CHPT1: variants seen among roughly 807,000 people sequenced by gnomAD.
The protein encoded by CHPT1 is choline phosphotransferase 1.
In CHPT1, 36 loss-of-function variants were observed where a neutral mutation model predicts 47.6. The observed-to-expected ratio is 0.76, with a 90% CI of 0.58 to 1.00. The LOEUF (loss-of-function observed/expected upper bound fraction) is 1.00, where lower values mean the gene tolerates loss of function less well. CHPT1 is among the 50% of genes least tolerant of loss of function. The pLI is 0.00. For synonymous variants in CHPT1, 194 were observed against 186.3 expected (o/e 1.04, Z -0.33); for missense variants, 458 against 498.1 (o/e 0.92, Z 0.77).
intron 4 of CHPT1, among the ~76,000 whole-genome samples, chr12:101,718,405 C>A (rs749905847): frequency 6.6e-6 from 1 of 152,078 alleles, no homozygotes; most frequent in Non-Finnish European, 1.5e-5. Flanking sequence ...AACCTAAAAC[C>A]ACTCTAAAAA....
Position 101,714,610 on chromosome 12 carries a change from G to A in CHPT1, c.528G>A (p.Trp176Ter), listed in dbSNP as rs745679952. The change falls in exon 3 of 9, where the codon TGG (tryptophan) becomes TGA (stop). Residue 176 changes from tryptophan to a stop codon, truncating the protein, a stop_gained. Transcript: ENST00000229266. LOFTEE classifies it high-confidence loss of function. ...IGMFVFYCAH[W>*]QTYVSGMLRF... ...TGTTTGTGTTTTATTGCGCTCATTG[G>A]CAGACTTATGTTTCAGGCATGTTGA... 5 of 1,609,202 alleles carry A rather than the reference G, an allele frequency of 3.1e-6. No homozygotes were observed. The highest frequency in any genetic ancestry group is 4.2e-6 in the Non-Finnish European group (5 of 1,178,170).
chr12:101,726,214 T>G, intron 7 of CHPT1, 80 bp from the exon 8 acceptor site: 1 of 919,656 alleles, frequency 1.1e-6, no homozygotes, highest in Non-Finnish European at 1.7e-6. Context: ...AGGTTTGATA[T>G]TTGGGGGAGA....
chr12:101,717,462 G>T, intron 4 of CHPT1: 2 of 317,962 alleles, frequency 6.3e-6, no homozygotes, highest in South Asian at 2.8e-5. Flanking sequence ...ATAATAATAA[G>T]GATATCAATA....
At chr12:101,698,486 G>C (rs1245925877) in intron 1 of CHPT1, among the ~76,000 whole-genome samples, 6 of 152,240 alleles carry the variant, frequency 3.9e-5, no homozygotes, top group African/African-American at 1.4e-4. Flanking sequence ...CCGCGGTCGG[G>C]TGCTTTGCAC....
chr12:101,726,345 A>G lies in CHPT1; in HGVS notation c.1117A>G (p.Ile373Val). The change falls in exon 8 of 9, where the codon ATT becomes GTT. Residue 373 changes from isoleucine (I) to valine (V), a missense_variant. Coordinates refer to ENST00000229266, the MANE Select transcript of CHPT1 (RefSeq NM_020244.3). The part of the protein sequence containing the change: ...VIYFSALCLQ[I>V]SRHLHLNIFK... ...ATACTTTAGTGCTTTGTGCCTGCAA[A>G]TTTCAAGACACCTTCATCTAAATAT... is the stretch of plus-strand genomic sequence containing the variant. 1 of 1,613,258 alleles carries G rather than the reference A, an allele frequency of 6.2e-7. No homozygotes were observed. Among genetic ancestry groups the G allele is most frequent in the Non-Finnish European group, 8.5e-7 (1 of 1,179,558 alleles).
chr12:101,727,251 C>T (rs891833281), intron 8 of CHPT1: 2 of 152,054 alleles, frequency 1.3e-5, no homozygotes, highest in Admixed American at 6.6e-5. Context: ...ACTTTAAGTA[C>T]ACACTGACTC....
At chr12:101,727,765 C>CAA (rs1354025468) in intron 8 of CHPT1, 1 of 152,040 alleles carries the variant, frequency 6.6e-6, no homozygotes, top group Non-Finnish European at 1.5e-5. Context: ...AAATCCTTTA[C>CAA]AAAGTTCAAA....
intron 3 of CHPT1, among the ~76,000 whole-genome samples, chr12:101,716,477 T>C (rs1205875014): frequency 2.0e-5 from 3 of 152,202 alleles, no homozygotes; most frequent in Non-Finnish European, 2.9e-5. Flanking sequence ...TGATAACTAT[T>C]AGCAATTTGA....
chr12:101,716,343 AATC>A (rs796577890), intron 3 of CHPT1, among the ~76,000 whole-genome samples: 273 of 152,278 alleles, frequency 1.8e-3, no homozygotes, highest in African/African-American at 6.4e-3. Context: ...ATTTGCCTTA[AATC>A]ATATGGTTGT....
chr12:101,698,035 G>T lies in CHPT1; in HGVS notation c.174G>T (p.Pro58=). 1 of 1,580,410 alleles carries T rather than the reference G, an allele frequency of 6.3e-7. No individual in the cohort carries two copies. The highest frequency in any genetic ancestry group is 8.5e-7 in the Non-Finnish European group (1 of 1,171,838). ...GGACCTGGCTGCTCCAGTGGATCCC[G>T]CTCTGGATGGCCCCCAACTCCATCA... is the stretch of plus-strand genomic sequence containing the variant. ...LYWTWLLQWI[P]LWMAPNSITL... is the part of the protein sequence containing the mutation. Residue 58 remains proline, a synonymous_variant, in exon 1 of 9, where the codon CCG becomes CCT. Coordinates refer to ENST00000229266, the MANE Select transcript of CHPT1 (RefSeq NM_020244.3).
chr12:101,721,299 G>T (rs1489372631), intron 5 of CHPT1, among the ~76,000 whole-genome samples: 1 of 151,782 alleles, frequency 6.6e-6, no homozygotes, highest in Admixed American at 6.6e-5. Flanking sequence ...AAAAAAAAAA[G>T]AATGCCTTTT....
In CHPT1 at chr12:101,697,736, G is replaced by A; in HGVS notation, c.-126G>A. On this transcript the variant is annotated 5_prime_UTR_variant, in exon 1 of 9. Coordinates refer to ENST00000229266, the MANE Select transcript of CHPT1 (RefSeq NM_020244.3). ...CCTGACCTCGACCTCCGCCGTGCGG[G>A]CCCGACCGGTGAGTCCAGCCCGGCA... 1 of 236,722 alleles carries A rather than the reference G, an allele frequency of 4.2e-6. No homozygotes were observed. Among genetic ancestry groups the A allele is most frequent in the Non-Finnish European group, 7.1e-6 (1 of 141,456 alleles). 14.7% of individuals were successfully genotyped at this position (236,722 alleles called of 1,614,324 possible). A position where few individuals can be genotyped will look rare whatever the true frequency, so the allele number is the denominator to read the frequency against.
intron 6 of CHPT1, among the ~76,000 whole-genome samples, 196 bp from the exon 7 acceptor site, chr12:101,723,526 G>C (rs1951892518): frequency 6.6e-6 from 1 of 152,072 alleles, no homozygotes; most frequent in African/African-American, 2.4e-5. Flanking sequence ...ACAACTTTCT[G>C]ATATCAAGAA....
intron 1 of CHPT1, among the ~76,000 whole-genome samples, chr12:101,700,439 A>G (rs1346547642): frequency 1.3e-5 from 2 of 152,144 alleles, no homozygotes; most frequent in African/African-American, 4.8e-5. Context: ...TCTGAAATGT[A>G]TGTCACTAGA....
intron 5 of CHPT1, among the ~76,000 whole-genome samples, chr12:101,721,670 C>T (rs1425694471): frequency 6.6e-6 from 1 of 152,272 alleles, no homozygotes; most frequent in South Asian, 2.1e-4. Context: ...CTTAGGAATA[C>T]ATGTTGCTTG....
At chr12:101,714,258 A>AT in intron 2 of CHPT1, 21 bp downstream of exon 2, 8 of 1,538,740 alleles carry the variant, frequency 5.2e-6, no homozygotes, top group Non-Finnish European at 6.1e-6. Context: ...GGAGTTTTTT[A>AT]TTTTTTTATG....
At chr12:101,720,937 A>C (rs1279860513) in intron 5 of CHPT1, among the ~76,000 whole-genome samples, 1 of 152,220 alleles carries the variant, frequency 6.6e-6, no homozygotes, top group Non-Finnish European at 1.5e-5. Context: ...GAACAGAAGA[A>C]GACAAGTACT....
At chr12:101,723,395 T>G in intron 6 of CHPT1, 69 bp downstream of exon 6, 1 of 976,380 alleles carries the variant, frequency 1.0e-6, no homozygotes, top group South Asian at 1.7e-5. Context: ...TGGAAATTAT[T>G]TCATAAAATG....
chr12:101,723,003 A>G (rs1047036049), intron 5 of CHPT1, among the ~76,000 whole-genome samples, 165 bp from the exon 6 acceptor site: 1 of 152,232 alleles, frequency 6.6e-6, no homozygotes, highest in Non-Finnish European at 1.5e-5. Flanking sequence ...CTCAGGTTCT[A>G]TGAAACCTTG....
Sources: gnomAD v4.1 joint callset for allele counts (sites outside exome capture counted in the v4.1 genomes callset) on GRCh38, gnomAD v4.1.1 for gene constraint, MANE v1.5 for transcripts, NCBI Gene and HGNC (gene_info 2026-07-23, HGNC 2026-07-21) for gene names.